The following CDHR3 variants were observed in gnomAD, a reference collection of about 807,000 sequenced individuals.
The protein encoded by CDHR3 is cadherin related family member 3.
Under a neutral mutation model 86.6 loss-of-function variants are expected in CDHR3, and 79 were observed. The observed-to-expected ratio is 0.91, with a 90% confidence interval of 0.76 to 1.10. The LOEUF is 1.10. CDHR3 is among the 50% of genes least tolerant of loss of function. The probability of loss-of-function intolerance (pLI) is 0.00; values close to 1 mark genes in which losing one functional copy is unlikely to be tolerated. For missense variants in CDHR3, 1,081 were observed against 1,077.6 expected, an observed-to-expected ratio of 1.00 and a Z score of -0.04; for synonymous variants, 421 against 402.4, an observed-to-expected ratio of 1.05 and a Z score of -0.55.
rs1375530198 is a variant in CDHR3, at chr7:106,035,296, C to T, written c.*2599C>T. Among the ~76,000 whole-genome samples, 3 of 152,050 alleles carry T rather than the reference C, an allele frequency of 2.0e-5. No individual in the cohort carries two copies. The highest frequency in any genetic ancestry group is 7.2e-5 in the African/African-American group (3 of 41,380). On this transcript the variant is annotated 3_prime_UTR_variant, in exon 19 of 19. Coordinates refer to ENST00000317716, the MANE Select transcript of CDHR3 (RefSeq NM_152750.5). Reference sequence around the variant, plus strand: ...AGGAAGAGCTGAGTGTCTTCCTAGTCGCAAGGCAAGCCTCGAGAAACTCAA... The same window carrying T: ...AGGAAGAGCTGAGTGTCTTCCTAGTTGCAAGGCAAGCCTCGAGAAACTCAA...
chr7:105,994,730 T>A (rs747912834), intron 4 of CDHR3, 21 bp from the exon 5 acceptor site: 18 of 1,565,818 alleles, frequency 1.1e-5, no homozygotes, highest in Admixed American at 1.7e-5. Context: ...ATTTCATCAA[T>A]TTTTTTCCCT....
intron 6 of CDHR3, among the ~76,000 whole-genome samples, 183 bp from the exon 7 acceptor site, chr7:106,001,279 T>C (rs1833128481): frequency 6.6e-6 from 1 of 152,198 alleles, no homozygotes; most frequent in Admixed American, 6.5e-5. Context: ...CACAGGGATG[T>C]GGTCTTTGGG....
chr7:106,034,783 G>A lies in CDHR3; in HGVS notation c.*2086G>A, dbSNP rs1369612483. The stretch of plus-strand genomic sequence containing the variant: ...TAATAACTGCTTATAAGCCCATTAA[G>A]AATGATTAAAAGGGCCGGGTGAGGT... On this transcript the variant is annotated 3_prime_UTR_variant, in exon 19 of 19. Transcript: ENST00000317716. Among the ~76,000 whole-genome samples the A allele has an allele frequency of 6.6e-6, 1 of 152,170 alleles. No homozygotes were observed. Among genetic ancestry groups the A allele is most frequent in the African/African-American group, 2.4e-5 (1 of 41,450 alleles).
chr7:105,979,662 A>G (rs1048869490), intron 2 of CDHR3, among the ~76,000 whole-genome samples: 4 of 152,220 alleles, frequency 2.6e-5, no homozygotes, highest in Non-Finnish European at 5.9e-5. Context: ...AAATCAAGGA[A>G]AGGGAAGGTG....
intron 1 of CDHR3, among the ~76,000 whole-genome samples, chr7:105,970,815 G>A (rs933779340): frequency 6.6e-6 from 1 of 152,040 alleles, no homozygotes. Flanking sequence ...AATAGCAATA[G>A]AGCTGGAGAA....
rs188236098 is a variant in CDHR3, at chr7:105,998,716, A to G, written c.713+2362A>G. 3.8e-3 allele frequency among the ~76,000 whole-genome samples: 576 copies of G among 152,218 alleles called. 3 individuals carry two copies. Among genetic ancestry groups the G allele is most frequent in the African/African-American group, 0.013 (557 of 41,532 alleles). ...GGAGAATCGCTTGAACCCAGGAGGC[A>G]GAGGTTGCAGTGAGCTGAGATCATG... On this transcript the variant is annotated intron_variant, in intron 6 of 18. Coordinates refer to ENST00000317716, the MANE Select transcript of CDHR3 (RefSeq NM_152750.5).
intron 16 of CDHR3, among the ~76,000 whole-genome samples, chr7:106,028,217 T>A (rs921102586): frequency 6.6e-6 from 1 of 152,040 alleles, no homozygotes; most frequent in Non-Finnish European, 1.5e-5. Context: ...CCACACCTTA[T>A]GAACAGAGGT....
chr7:106,013,166 G>C, intron 9 of CDHR3, 135 bp downstream of exon 9: 1 of 693,124 alleles, frequency 1.4e-6, no homozygotes. Context: ...AGGCTTAATA[G>C]TGAGTCTGTG....
At chr7:105,983,638 G>A (rs918094136) in intron 3 of CDHR3, among the ~76,000 whole-genome samples, 1 of 152,066 alleles carries the variant, frequency 6.6e-6, no homozygotes, top group African/African-American at 2.4e-5. Context: ...CCCCATCACT[G>A]TGAAAAACTC....
At chr7:106,014,401 C>T (rs530527960) in intron 9 of CDHR3, among the ~76,000 whole-genome samples, 25 of 152,122 alleles carry the variant, frequency 1.6e-4, no homozygotes, top group African/African-American at 4.8e-4. Context: ...AAATTAGGTA[C>T]GGTAAGTATT....
In CDHR3 at chr7:106,022,299, A is replaced by G. The variant is rs1836687713; in HGVS notation, c.1927A>G (p.Ile643Val). The change falls in exon 14 of 19, where the codon ATC becomes GTC. Residue 643 changes from isoleucine to valine, a missense_variant. Transcript: ENST00000317716. ...RFDYAGGFDK[I>V]WDYKLLVYVT... is the part of the protein sequence containing the mutation. ...TGACTATGCTGGTGGGTTTGATAAG[A>G]TCTGGGACTACAAGCTACTTGTCTA... The G allele has an allele frequency of 6.2e-7, 1 of 1,613,998 alleles. No individual in the cohort carries two copies. The highest frequency in any genetic ancestry group is 8.5e-7 in the Non-Finnish European group (1 of 1,179,884).
Position 106,029,881 on chromosome 7 carries a change from G to A in CDHR3, c.2305-911G>A, listed in dbSNP as rs186045498. On this transcript the variant is annotated intron_variant, in intron 17 of 18. Coordinates refer to ENST00000317716, the MANE Select transcript of CDHR3 (RefSeq NM_152750.5). ...AGTACCCTTGGGGATGCCACTTAGCGATTGCTCTAGAACTATGTAATATTA... is the reference window on the plus strand; with the variant it reads ...AGTACCCTTGGGGATGCCACTTAGCAATTGCTCTAGAACTATGTAATATTA... Among the ~76,000 whole-genome samples the A allele has an allele frequency of 7.9e-5, 12 of 152,302 alleles. No homozygotes were observed. In the East Asian group the frequency reaches 1.7e-3, roughly 22 times the overall value.
intron 1 of CDHR3, among the ~76,000 whole-genome samples, chr7:105,973,874 T>C (rs564367956): frequency 6.6e-6 from 1 of 152,086 alleles, no homozygotes; most frequent in Admixed American, 6.5e-5. Flanking sequence ...GGCTGAGGCA[T>C]GAGAATCGCT....
At chr7:106,018,348 TGCCTCA>T in intron 12 of CDHR3, among the ~76,000 whole-genome samples, 1 of 152,316 alleles carries the variant, frequency 6.6e-6, no homozygotes, top group South Asian at 2.1e-4. Flanking sequence ...GCGATTCTCG[TGCCTCA>T]GCCTCTCAAG....
chr7:105,974,758 T>C lies in CDHR3; in HGVS notation c.47-86T>C, dbSNP rs1223834311. On this transcript the variant is annotated intron_variant, in intron 1 of 18. Coordinates refer to ENST00000317716, the MANE Select transcript of CDHR3 (RefSeq NM_152750.5). ...TCTCATCGTCACCCTGAGCTACGAA[T>C]TGAAGCCACAAACCAAGCTGTTAAG... 6 of 1,043,892 alleles carry C rather than the reference T, an allele frequency of 5.7e-6. No individual in the cohort carries two copies. The East Asian group carries it at 1.2e-4, about 21-fold the overall frequency. The allele number at this position is 1,043,892 out of a possible 1,614,324, so 64.7% of individuals were successfully genotyped here.
intron 1 of CDHR3, among the ~76,000 whole-genome samples, chr7:105,969,714 C>T (rs991751929): frequency 2.0e-5 from 3 of 152,196 alleles, no homozygotes; most frequent in Admixed American, 6.5e-5. Flanking sequence ...AAGAGCCTAG[C>T]CTGCACCTGG....
intron 2 of CDHR3, among the ~76,000 whole-genome samples, chr7:105,977,525 A>G (rs997478563): frequency 1.3e-5 from 2 of 152,178 alleles, no homozygotes; most frequent in Non-Finnish European, 2.9e-5. Context: ...GCAGCTGCGT[A>G]CAACCCTGTG....
At chr7:105,998,679 GA>G (rs1338441434) in intron 6 of CDHR3, among the ~76,000 whole-genome samples, 1 of 152,098 alleles carries the variant, frequency 6.6e-6, no homozygotes, top group Non-Finnish European at 1.5e-5. Flanking sequence ...AGCTACTCAG[GA>G]AGCTGAGACA....
In CDHR3 at chr7:106,032,434, AGAAAGTG is replaced by A; in HGVS notation, c.2401_2407del (p.Trp801IlefsTer3). On this transcript the variant is annotated frameshift_variant, in exon 19 of 19. Coordinates refer to ENST00000317716, the MANE Select transcript of CDHR3 (RefSeq NM_152750.5). LOFTEE classifies it low-confidence loss of function (END_TRUNC). ...TGAATTCAACTCAAAAACTGGAGCC[AGAAAGTG>A]GAAAGATCCACTAACCCAAATGCCA... 3.1e-6 allele frequency: 5 copies of A among 1,612,618 alleles called. No homozygotes were observed. The highest frequency in any genetic ancestry group is 4.2e-6 in the Non-Finnish European group (5 of 1,178,820).
Sources: allele counts gnomAD v4.1 joint callset (sites outside exome capture counted in the v4.1 genomes callset), GRCh38; gene constraint gnomAD v4.1.1; transcripts MANE v1.5; gene names NCBI Gene and HGNC (gene_info 2026-07-23, HGNC 2026-07-21).